The following KCNB2 variants were observed in gnomAD, a reference collection of about 807,000 sequenced individuals.
KCNB2 encodes the protein delayed rectifier potassium channel protein.
A neutral mutation model predicts 61.5 loss-of-function variants in KCNB2; 15 were observed. That is an observed-to-expected ratio of 0.24 (90% CI 0.16 to 0.38). KCNB2 has a LOEUF of 0.38. Among genes scored for constraint, KCNB2 ranks in the 10% least tolerant of loss-of-function variants. The pLI, the probability that KCNB2 is intolerant of heterozygous loss-of-function variation, is 1.00. For missense variants in KCNB2, 828 were observed against 1,125.2 expected, an observed-to-expected ratio of 0.74 and a Z score of 3.78; for synonymous variants, 457 against 446.0, an observed-to-expected ratio of 1.02 and a Z score of -0.31.
intron 2 of KCNB2, among the ~76,000 whole-genome samples, chr8:72,742,694 G>A (rs1344814159): frequency 6.6e-6 from 1 of 152,098 alleles, no homozygotes; most frequent in African/African-American, 2.4e-5. Context: ...GCGTGGAAGG[G>A]GCATTTTCTC....
chr8:72,647,906 G>T (rs1359849304), intron 2 of KCNB2, among the ~76,000 whole-genome samples: 1 of 152,128 alleles, frequency 6.6e-6, no homozygotes, highest in Non-Finnish European at 1.5e-5. Context: ...CACTCTGAAG[G>T]TTTGATAGAT....
At chr8:72,635,226 C>CT (rs1169269084) in intron 2 of KCNB2, among the ~76,000 whole-genome samples, 1 of 152,156 alleles carries the variant, frequency 6.6e-6, no homozygotes, top group Non-Finnish European at 1.5e-5. Context: ...TCCTCTTCCC[C>CT]TTTTTGCAGT....
chr8:72,931,064 G>T (rs1015256361), intron 2 of KCNB2, among the ~76,000 whole-genome samples: 5 of 152,086 alleles, frequency 3.3e-5, no homozygotes, highest in Non-Finnish European at 5.9e-5. Flanking sequence ...AATCCTTTCC[G>T]CATTTCTTGT....
At chr8:72,869,177 A>T (rs760290029) in intron 2 of KCNB2, among the ~76,000 whole-genome samples, 1 of 152,222 alleles carries the variant, frequency 6.6e-6, no homozygotes, top group African/African-American at 2.4e-5. Context: ...CTTGAGCTTG[A>T]TGACAGCAAC....
chr8:72,714,291 A>G (rs994069724), intron 2 of KCNB2, among the ~76,000 whole-genome samples: 5 of 152,228 alleles, frequency 3.3e-5, no homozygotes, highest in African/African-American at 4.8e-5. Flanking sequence ...CAACATTCAA[A>G]TTCAGGAAAT....
chr8:72,611,375 C>T (rs1805536244), intron 2 of KCNB2, among the ~76,000 whole-genome samples: 1 of 152,074 alleles, frequency 6.6e-6, no homozygotes, highest in Admixed American at 6.6e-5. Context: ...CAGATGCTCC[C>T]CTGGGAACAG....
chr8:72,623,306 C>T lies in KCNB2; in HGVS notation c.579+54993C>T, dbSNP rs182597232. ...GGGGCACTTCTTGCTATTTGCCTTT[C>T]TGGAGTTGTTTTGATTCCAGGAGTA... On this transcript the variant is annotated intron_variant, in intron 2 of 2. Coordinates refer to ENST00000523207, the MANE Select transcript of KCNB2 (RefSeq NM_004770.3). Among the ~76,000 whole-genome samples the T allele has an allele frequency of 3.3e-5, 5 of 152,244 alleles. No homozygotes were observed. In the East Asian group the frequency reaches 9.7e-4, roughly 29 times the overall value.
intron 2 of KCNB2, among the ~76,000 whole-genome samples, chr8:72,811,816 A>G (rs1237368240): frequency 6.6e-6 from 1 of 152,210 alleles, no homozygotes; most frequent in Admixed American, 6.5e-5. Flanking sequence ...AAATGTATAT[A>G]TTCAATAAGG....
intron 2 of KCNB2, among the ~76,000 whole-genome samples, chr8:72,890,172 G>T (rs192483962): frequency 6.6e-6 from 1 of 152,160 alleles, no homozygotes; most frequent in Non-Finnish European, 1.5e-5. Context: ...ATAACAAAGT[G>T]ACCGCAGATG....
At chr8:72,835,374 A>T (rs535843046) in intron 2 of KCNB2, among the ~76,000 whole-genome samples, 2 of 152,314 alleles carry the variant, frequency 1.3e-5, no homozygotes, top group South Asian at 4.1e-4. Flanking sequence ...AGACAACAGG[A>T]AGGTAACAAG....
intron 2 of KCNB2, among the ~76,000 whole-genome samples, chr8:72,572,403 G>C (rs530344355): frequency 1.3e-5 from 2 of 152,118 alleles, no homozygotes; most frequent in South Asian, 4.2e-4. Flanking sequence ...GAACCAAACA[G>C]TGAGAGCACC....
chr8:72,729,213 T>A lies in KCNB2; in HGVS notation c.579+160900T>A, dbSNP rs546824866. 2.6e-5 allele frequency among the ~76,000 whole-genome samples: 4 copies of A among 152,358 alleles called. No homozygotes were observed. The East Asian group carries it at 7.7e-4, about 29-fold the overall frequency. ...ATAGGAAGTGCTGAGGAAATCTCAG[T>A]TGACCTTCAGACCTAGTGTCCATTG... On this transcript the variant is annotated intron_variant, in intron 2 of 2. Transcript: ENST00000523207.
intron 2 of KCNB2, among the ~76,000 whole-genome samples, chr8:72,606,639 C>T (rs1026636627): frequency 5.9e-5 from 9 of 152,128 alleles, no homozygotes; most frequent in African/African-American, 1.7e-4. Context: ...GTTCACTGGT[C>T]GTTTGGGCCA....
chr8:72,761,128 G>A (rs1808371991), intron 2 of KCNB2, among the ~76,000 whole-genome samples: 1 of 152,108 alleles, frequency 6.6e-6, no homozygotes, highest in Admixed American at 6.5e-5. Flanking sequence ...TTAGCCTATG[G>A]GTTTAGGGAG....
At chr8:72,811,193 A>T (rs115895847) in intron 2 of KCNB2, among the ~76,000 whole-genome samples, 2 of 150,578 alleles carry the variant, frequency 1.3e-5, no homozygotes, top group African/African-American at 2.4e-5. Context: ...AATTAAGTCA[A>T]ATTTTTAAAT....
chr8:72,586,927 A>G (rs1227220607), intron 2 of KCNB2, among the ~76,000 whole-genome samples: 2 of 152,222 alleles, frequency 1.3e-5, no homozygotes, highest in Non-Finnish European at 2.9e-5. Flanking sequence ...AATGAATAAC[A>G]TATGATCCTC....
At chr8:72,602,714 A>T (rs1251796467) in intron 2 of KCNB2, among the ~76,000 whole-genome samples, 9 of 152,176 alleles carry the variant, frequency 5.9e-5, no homozygotes, top group African/African-American at 2.2e-4. Context: ...TTTCCACTGA[A>T]GTCGGCTGGT....
chr8:72,699,444 T>TG (rs1219472783), intron 2 of KCNB2, among the ~76,000 whole-genome samples: 2 of 74,560 alleles, frequency 2.7e-5, no homozygotes, highest in Non-Finnish European at 2.8e-5. Flanking sequence ...TGGGGTTGTT[T>TG]GTTTTTTTTC....
chr8:72,581,314 C>G (rs1281341756), intron 2 of KCNB2, among the ~76,000 whole-genome samples: 1 of 152,222 alleles, frequency 6.6e-6, no homozygotes, highest in Non-Finnish European at 1.5e-5. Context: ...CTGATTCTCT[C>G]TCTAACCTGT....
Sources: allele counts gnomAD v4.1 joint callset (sites outside exome capture counted in the v4.1 genomes callset), GRCh38; gene constraint gnomAD v4.1.1; transcripts MANE v1.5; gene names NCBI Gene and HGNC (gene_info 2026-07-23, HGNC 2026-07-21).